The following RBFOX1 variants were observed in gnomAD, a reference collection of about 807,000 sequenced individuals.
RBFOX1 encodes the protein RNA binding fox-1 homolog 1, also known as RNA binding protein fox-1 homolog 1.
In RBFOX1, 8 loss-of-function variants were observed where a neutral mutation model predicts 57.7. The ratio of observed to expected loss-of-function variants is 0.14; its 90% CI spans 0.08 to 0.25. RBFOX1 has a LOEUF of 0.25. Among genes scored for constraint, RBFOX1 ranks in the 10% least tolerant of loss-of-function variants. The pLI is 1.00. For synonymous variants in RBFOX1, 326 were observed against 222.4 expected, an observed-to-expected ratio of 1.47 and a Z score of -4.15; for missense variants, 611 against 548.5, an observed-to-expected ratio of 1.11 and a Z score of -1.14.
rs373142050 is a variant in RBFOX1 at position 5,966,991 on chromosome 16, CGGG to C, written c.351+99667_351+99669del. Reference sequence around the variant, plus strand: ...CTTAATTGTCTTTCTTGCACTAAATCGGGGGGGGGGGGGTCAATAAATGATAGC... The same window carrying C: ...CTTAATTGTCTTTCTTGCACTAAATCGGGGGGGGGGTCAATAAATGATAGC... On this transcript the variant is annotated intron_variant, in intron 4 of 19. Transcript: ENST00000641259. Among the ~76,000 whole-genome samples, 54 of 30,676 alleles carry C rather than the reference CGGG, an allele frequency of 1.8e-3. 2 individuals are homozygous for C. The highest frequency in any genetic ancestry group is 5.1e-3 in the African/African-American group (54 of 10,646). The allele number at this position is 30,676 out of a possible 152,430, so 20.1% of individuals were successfully genotyped here. A position where few individuals can be genotyped will look rare whatever the true frequency, so the allele number is the denominator to read the frequency against.
chr16:5,625,811 G>T (rs558822856), intron 3 of RBFOX1, among the ~76,000 whole-genome samples: 1 of 152,234 alleles, frequency 6.6e-6, no homozygotes, highest in South Asian at 2.1e-4. Flanking sequence ...GTCTGCCTCA[G>T]CCTCCCAAAG....
intron 1 of RBFOX1, among the ~76,000 whole-genome samples, chr16:6,296,396 G>T (rs1461713079): frequency 6.6e-6 from 1 of 151,258 alleles, no homozygotes; most frequent in Non-Finnish European, 1.5e-5. Context: ...ATAGGTGGCT[G>T]TTACGATTAA....
intron 3 of RBFOX1, among the ~76,000 whole-genome samples, chr16:6,843,311 C>G (rs765840696): frequency 6.6e-6 from 1 of 151,696 alleles, no homozygotes; most frequent in African/African-American, 2.4e-5. Context: ...TGGTGGTCTT[C>G]TGGAGCAAAT....
At chr16:7,312,923 C>G (rs1254927175) in intron 4 of RBFOX1, among the ~76,000 whole-genome samples, 1 of 151,938 alleles carries the variant, frequency 6.6e-6, no homozygotes, top group African/African-American at 2.4e-5. Flanking sequence ...TCTGGGGGCC[C>G]CAGGGTGCCT....
intron 3 of RBFOX1, among the ~76,000 whole-genome samples, chr16:6,692,891 C>T (rs1164831061): frequency 6.6e-6 from 1 of 151,768 alleles, no homozygotes; most frequent in East Asian, 1.9e-4. Flanking sequence ...CTATCACCAC[C>T]ATCATTATCA....
intron 11 of RBFOX1, among the ~76,000 whole-genome samples, chr16:7,635,462 T>G (rs1467850428): frequency 1.3e-5 from 2 of 151,928 alleles, no homozygotes; most frequent in Admixed American, 6.6e-5. Flanking sequence ...GGGAATAATA[T>G]CCCCACTTTA....
Position 6,682,748 on chromosome 16 carries a change from C to G in RBFOX1, c.-16+28098C>G, listed in dbSNP as rs577029312. 2.6e-5 allele frequency among the ~76,000 whole-genome samples: 4 copies of G among 151,690 alleles called. No homozygotes were observed. In the East Asian group the frequency reaches 7.8e-4, roughly 30 times the overall value. ...ATGGTGTGAGACGATGTTATCATTA[C>G]CAGTAGATTCATACTAAAATATTTC... On this transcript the variant is annotated intron_variant, in intron 3 of 15. Coordinates refer to ENST00000550418, the MANE Select transcript of RBFOX1 (RefSeq NM_018723.4).
intron 4 of RBFOX1, among the ~76,000 whole-genome samples, chr16:7,094,394 G>C (rs962624194): frequency 7.0e-6 from 1 of 142,368 alleles, no homozygotes; most frequent in African/African-American, 2.4e-5. Context: ...AGACATTCCA[G>C]GTGAAAAAAA....
At chr16:7,391,374 C>T (rs1023881642) in intron 4 of RBFOX1, among the ~76,000 whole-genome samples, 6 of 152,152 alleles carry the variant, frequency 3.9e-5, no homozygotes, top group Admixed American at 3.9e-4. Context: ...CCAAGGATAC[C>T]AATTATAGGG....
chr16:7,664,982 C>T lies in RBFOX1; in HGVS notation c.930+14C>T, dbSNP rs138101705. 53 of 1,613,926 alleles carry T rather than the reference C, an allele frequency of 3.3e-5. 1 individual carries two copies. In the East Asian group the frequency reaches 7.4e-4, roughly 22 times the overall value. ...GCAGACATTTATGTAAGTATTCATT[C>T]ACGTGCATGCCATCCCCGTTTCCTC... On this transcript the variant is annotated intron_variant, in intron 13 of 15. Transcript: ENST00000550418.
chr16:6,387,128 C>A (rs555521491), intron 2 of RBFOX1, among the ~76,000 whole-genome samples: 1 of 152,262 alleles, frequency 6.6e-6, no homozygotes, highest in East Asian at 1.9e-4. Context: ...ACTTCAAATC[C>A]ATGCCTTTTA....
intron 3 of RBFOX1, among the ~76,000 whole-genome samples, chr16:6,888,438 T>C (rs557204076): frequency 6.6e-6 from 1 of 152,186 alleles, no homozygotes; most frequent in South Asian, 2.1e-4. Context: ...GTGTTCTCTT[T>C]ATATAGTCAC....
chr16:6,859,530 G>A (rs532005850), intron 3 of RBFOX1, among the ~76,000 whole-genome samples: 41 of 152,022 alleles, frequency 2.7e-4, no homozygotes, highest in African/African-American at 9.4e-4. Flanking sequence ...TTTCCCAAAT[G>A]TGAGTGGTTT....
rs1197492285 is a variant in RBFOX1 at position 6,097,045 on chromosome 16, A to G, written c.-127+77053A>G. On this transcript the variant is annotated intron_variant, in intron 1 of 15. Coordinates refer to ENST00000550418, the MANE Select transcript of RBFOX1 (RefSeq NM_018723.4). This position sits in a 1 kb window ranked among gnomAD's most constrained non-coding sequence, Gnocchi z 5.0. ...GAGGGACTTCGTGGGAGATAACTGAATCATGGGGGTGGTTTCCCCCATACT... is the reference window on the plus strand; with the variant it reads ...GAGGGACTTCGTGGGAGATAACTGAGTCATGGGGGTGGTTTCCCCCATACT... 2.0e-5 allele frequency among the ~76,000 whole-genome samples: 3 copies of G among 152,096 alleles called. No homozygotes were observed. The highest frequency in any genetic ancestry group is 7.2e-5 in the African/African-American group (3 of 41,426).
chr16:5,847,383 C>A (rs2056784168), intron 3 of RBFOX1, among the ~76,000 whole-genome samples: 2 of 151,640 alleles, frequency 1.3e-5, no homozygotes, highest in African/African-American at 4.8e-5. Context: ...GGGGGGGAAT[C>A]TTAAAATAGA....
intron 1 of RBFOX1, among the ~76,000 whole-genome samples, chr16:5,316,939 G>A (rs2064256291): frequency 1.3e-5 from 2 of 152,160 alleles, no homozygotes; most frequent in Non-Finnish European, 2.9e-5. Context: ...AAAGGTAAAG[G>A]AAGGGTGAAC....
At chr16:5,269,719 C>G (rs1596349106) in intron 1 of RBFOX1, among the ~76,000 whole-genome samples, 2 of 152,102 alleles carry the variant, frequency 1.3e-5, no homozygotes, top group African/African-American at 4.8e-5. Context: ...TATGAGGTTT[C>G]TTTTTGAGGT....
chr16:5,706,211 A>C (rs1188317303), intron 3 of RBFOX1, among the ~76,000 whole-genome samples: 1 of 152,124 alleles, frequency 6.6e-6, no homozygotes, highest in Non-Finnish European at 1.5e-5. Context: ...GCTCCCGGCC[A>C]TGTTGCTTTT....
chr16:5,419,844 T>C (rs971938952), intron 1 of RBFOX1, among the ~76,000 whole-genome samples: 1 of 151,998 alleles, frequency 6.6e-6, no homozygotes, highest in Non-Finnish European at 1.5e-5. Flanking sequence ...AGAAGGAGTG[T>C]GGGTGGCCCG....
Sources: gnomAD v4.1 joint callset for allele counts (sites outside exome capture counted in the v4.1 genomes callset) on GRCh38, gnomAD v4.1.1 for gene constraint, Gnocchi (gnomAD v3.1) non-coding constraint, MANE v1.5 for transcripts, NCBI Gene and HGNC (gene_info 2026-07-23, HGNC 2026-07-21) for gene names.